UACA: variants seen among roughly 807,000 people sequenced by gnomAD.
UACA encodes the protein nuclear membrane binding protein.
A neutral mutation model predicts 160.5 loss-of-function variants in UACA; 112 were observed. The observed-to-expected ratio is 0.70, with a 90% CI of 0.60 to 0.82. The LOEUF is 0.82. Among genes scored for constraint, UACA ranks in the 40% least tolerant of loss-of-function variants. UACA has a pLI of 0.00. For synonymous variants in UACA, 557 were observed against 568.4 expected (o/e 0.98, Z 0.29); for missense variants, 1,574 against 1,614.6 (o/e 0.97, Z 0.43).
rs566624800 is a variant in UACA at position 70,700,456 on chromosome 15, A to T, written c.79-796T>A. Among the ~76,000 whole-genome samples the T allele has an allele frequency of 4.3e-4, 66 of 152,002 alleles. 1 individual carries two copies. The highest frequency in any genetic ancestry group is 1.5e-3 in the Admixed American group (23 of 15,250). ...TATTAACTGCTTAACATCTAAAAAT[A>T]TTAAGATTACAAGTTACTTTCATTT... On this transcript the variant is annotated intron_variant, in intron 1 of 18. Transcript: ENST00000322954.
the UACA span, among the ~76,000 whole-genome samples, chr15:70,777,175 G>C: frequency 1.3e-5 from 2 of 152,202 alleles, no homozygotes; most frequent in African/African-American, 2.4e-5. Context: ...TTATGCATCT[G>C]AGCGCCTGGA....
In UACA at chr15:70,759,748, G is replaced by C. The variant is rs986409282; in HGVS notation, c.78+3582C>G. The stretch of plus-strand genomic sequence containing the variant: ...GCCATCTCCAGATTTGCTAGTAAAG[G>C]ACTAATCCACAAATGTAGTTTATCC... On this transcript the variant is annotated intron_variant, in intron 1 of 18. Coordinates refer to ENST00000322954, the MANE Select transcript of UACA (RefSeq NM_018003.4). Among the ~76,000 whole-genome samples, 6 of 152,130 alleles carry C rather than the reference G, an allele frequency of 3.9e-5. No individual in the cohort carries two copies. In the South Asian group the frequency reaches 1.2e-3, roughly 31 times the overall value.
intron 1 of UACA, chr15:70,702,189 ATTC>A: frequency 8.5e-7 from 1 of 1,178,026 alleles, no homozygotes. Flanking sequence ...TCTATTTCTT[ATTC>A]TTTGGAAGCT....
At chr15:70,704,578 AATTT>A (rs1302762243) in intron 1 of UACA, among the ~76,000 whole-genome samples, 1 of 151,354 alleles carries the variant, frequency 6.6e-6, no homozygotes, top group African/African-American at 2.4e-5. Context: ...CTAGTAGGAT[AATTT>A]ATTTATACTT....
chr15:70,685,243 T>C (rs575139972), intron 7 of UACA, among the ~76,000 whole-genome samples: 1 of 152,284 alleles, frequency 6.6e-6, no homozygotes, highest in African/African-American at 2.4e-5. Flanking sequence ...ATACTAATCA[T>C]GCAACAAAAT....
At chr15:70,745,206 C>T (rs1041777337) in intron 1 of UACA, among the ~76,000 whole-genome samples, 1 of 151,856 alleles carries the variant, frequency 6.6e-6, no homozygotes, top group East Asian at 1.9e-4. Context: ...CCGAGGCAGG[C>T]GGACCATGAG....
At chr15:70,715,764 GAGAA>G (rs1453472521) in intron 1 of UACA, among the ~76,000 whole-genome samples, 5 of 152,010 alleles carry the variant, frequency 3.3e-5, no homozygotes, top group African/African-American at 1.2e-4. Flanking sequence ...AATTAATAAT[GAGAA>G]AGAATGTTTG....
Position 70,656,880 on chromosome 15 carries a change from T to G in UACA, c.*176A>C. On this transcript the variant is annotated 3_prime_UTR_variant, in exon 19 of 19. Transcript: ENST00000322954. ...CACATACAGAAAATAAGATTCAAAC[T>G]GATATTGAAAAAGACTAACATATTC... The G allele has an allele frequency of 2.0e-6, 1 of 489,530 alleles. No individual in the cohort carries two copies. The highest frequency in any genetic ancestry group is 3.6e-6 in the Non-Finnish European group (1 of 275,768). The allele number at this position is 489,530 out of a possible 1,614,324, so 30.3% of individuals were successfully genotyped here. A position where few individuals can be genotyped will look rare whatever the true frequency, so the allele number is the denominator to read the frequency against.
In UACA at chr15:70,657,769, TTTTG is replaced by T. The variant is rs1896533425; in HGVS notation, c.4180-646_4180-643del. Among the ~76,000 whole-genome samples the T allele has an allele frequency of 2.0e-5, 3 of 152,102 alleles. No homozygotes were observed. The East Asian group carries it at 5.8e-4, about 29-fold the overall frequency. On this transcript the variant is annotated intron_variant, in intron 18 of 18. Transcript: ENST00000322954. ...ATCTGTTGTTGTTGCTGCTGAGGTT[TTTTG>T]TTTGTTTGTTTAGAAAACTAACTGA...
At chr15:70,673,757 G>C (rs1041990336) in intron 13 of UACA, among the ~76,000 whole-genome samples, 1 of 152,110 alleles carries the variant, frequency 6.6e-6, no homozygotes, top group African/African-American at 2.4e-5. Context: ...TACATAACTC[G>C]TAACAGTAAT....
chr15:70,659,161 A>C (rs1027084766), intron 18 of UACA, among the ~76,000 whole-genome samples: 1 of 152,092 alleles, frequency 6.6e-6, no homozygotes, highest in Non-Finnish European at 1.5e-5. Flanking sequence ...ATTCTAGTTT[A>C]TCTCTGATTT....
chr15:70,743,970 C>A (rs1899615435), intron 1 of UACA, among the ~76,000 whole-genome samples: 1 of 152,092 alleles, frequency 6.6e-6, no homozygotes, highest in Non-Finnish European at 1.5e-5. Context: ...GACGGCAGGG[C>A]ACGGTGGCTC....
At position 70,667,044 on chromosome 15, in the gene UACA, C is replaced by T. The variant is rs750052938; in HGVS notation, c.3640G>A (p.Ala1214Thr). The T allele has an allele frequency of 2.5e-6, 4 of 1,613,184 alleles. No homozygotes were observed. In the East Asian group the frequency reaches 6.7e-5, roughly 27 times the overall value. Residue 1214 changes from alanine to threonine, a missense_variant, in exon 16 of 19, where the codon GCA (alanine) becomes ACA (threonine). Ala to Thr is a moderately conservative substitution (Grantham distance 58). Transcript: ENST00000322954. ...TCTCTAGTCTCTAATTTTTTTAATG[C>T]TTGTTTAGTATTCTGAACCTCCGAC... Reference protein sequence around the residue: ...LQSEVQNTKQALKKLETREVV... With the variant: ...LQSEVQNTKQTLKKLETREVV...
At chr15:70,736,029 T>C (rs1447878150) in intron 1 of UACA, among the ~76,000 whole-genome samples, 1 of 152,230 alleles carries the variant, frequency 6.6e-6, no homozygotes, top group South Asian at 2.1e-4. Context: ...TTTTATACTT[T>C]TGTAATTTCA....
intron 8 of UACA, among the ~76,000 whole-genome samples, chr15:70,683,428 A>G (rs1255358231): frequency 6.6e-6 from 1 of 152,162 alleles, no homozygotes; most frequent in Non-Finnish European, 1.5e-5. Context: ...CATAGACCAA[A>G]GGCTTAAAGA....
intron 1 of UACA, among the ~76,000 whole-genome samples, chr15:70,713,209 C>T (rs1595905292): frequency 6.6e-6 from 1 of 152,016 alleles, no homozygotes; most frequent in Non-Finnish European, 1.5e-5. Context: ...AAATTAGCCG[C>T]GCGCGGTGGC....
At chr15:70,720,162 C>T (rs187555487) in intron 1 of UACA, among the ~76,000 whole-genome samples, 1 of 152,160 alleles carries the variant, frequency 6.6e-6, no homozygotes, top group East Asian at 1.9e-4. Context: ...ATGCCTGCTT[C>T]CCCTTCACCT....
At chr15:70,702,400 C>T in intron 1 of UACA, 1 of 762,444 alleles carries the variant, frequency 1.3e-6, no homozygotes, top group Non-Finnish European at 1.6e-6. Context: ...GACTTGACAG[C>T]TGAATGATAG....
rs1163006221 is a variant in UACA at position 70,763,360 on chromosome 15, G to C, written c.48C>G (p.Pro16=). The change falls in exon 1 of 19, where the codon CCC becomes CCG. Residue 16 remains proline, a synonymous_variant. Transcript: ENST00000322954. ...TGGCGGCGGCGGCGCCAGACGACGC[G>C]GGGCCGGGCACGTCCTGCCTCCTCA... ...SRLRRQDVPG[P]ASSGAAAASA... is the part of the protein sequence containing the mutation. 1.5e-6 allele frequency: 2 copies of C among 1,334,950 alleles called. No individual in the cohort carries two copies. Among genetic ancestry groups the C allele is most frequent in the Non-Finnish European group, 1.9e-6 (2 of 1,037,588 alleles). The allele number at this position is 1,334,950 out of a possible 1,614,324, so 82.7% of individuals were successfully genotyped here.
Sources: gnomAD v4.1 joint callset for allele counts (sites outside exome capture counted in the v4.1 genomes callset) on GRCh38, gnomAD v4.1.1 for gene constraint, MANE v1.5 for transcripts, NCBI Gene and HGNC (gene_info 2026-07-23, HGNC 2026-07-21) for gene names.